The following GIT2 variants were observed in gnomAD, a reference collection of about 807,000 sequenced individuals.
GIT2 encodes the protein GIT ArfGAP 2.
GIT2 carries 32 observed loss-of-function variants against 100.3 expected under a neutral mutation model. That is an observed-to-expected ratio of 0.32 (90% CI 0.24 to 0.43). The LOEUF (loss-of-function observed/expected upper bound fraction) is 0.43. GIT2 is among the 20% of genes least tolerant of loss of function. The pLI, the probability that GIT2 is intolerant of heterozygous loss-of-function variation, is 1.00. For synonymous variants in GIT2, 353 were observed against 364.1 expected, an observed-to-expected ratio of 0.97 and a Z score of 0.35; for missense variants, 737 against 975.1, an observed-to-expected ratio of 0.76 and a Z score of 3.25.
intron 4 of GIT2, chr12:109,983,932 A>T (rs1886838814): frequency 4.3e-6 from 2 of 465,394 alleles, no homozygotes; most frequent in Non-Finnish European, 7.8e-6. Flanking sequence ...GACTTGCCCA[A>T]ATGCATGACT....
rs1394845443 is a variant in GIT2 at position 109,978,978 on chromosome 12, G to A, written c.718+1974C>T. Among the ~76,000 whole-genome samples the A allele has an allele frequency of 2.0e-5, 3 of 152,272 alleles. No homozygotes were observed. In the East Asian group the frequency reaches 5.8e-4, roughly 29 times the overall value. On this transcript the variant is annotated intron_variant, in intron 7 of 19. Coordinates refer to ENST00000355312, the MANE Select transcript of GIT2 (RefSeq NM_057169.5). ...CCTTCTTTAAACTTTATGCAAAAATGTTCATATTTTTGTCTTAGCAGGCAA... is the reference window on the plus strand; with the variant it reads ...CCTTCTTTAAACTTTATGCAAAAATATTCATATTTTTGTCTTAGCAGGCAA...
At chr12:109,999,711 G>A, upstream of GIT2, 1 of 1,537,064 alleles carries the variant, frequency 6.5e-7, no homozygotes, top group Non-Finnish European at 8.8e-7. The surrounding 1 kb of genome is among the most constrained non-coding windows in gnomAD (Gnocchi z 4.3). Context: ...TGCGACGCGG[G>A]CGACCACTAC....
At chr12:109,976,053 A>G (rs1884954323) in intron 7 of GIT2, among the ~76,000 whole-genome samples, 1 of 151,424 alleles carries the variant, frequency 6.6e-6, no homozygotes. Flanking sequence ...TACAGGCACT[A>G]CACCGTGCCT....
In GIT2 at chr12:109,932,818, T is replaced by C. The variant is rs1871876000; in HGVS notation, c.*160A>G. On this transcript the variant is annotated 3_prime_UTR_variant, in exon 20 of 20. Transcript: ENST00000355312. ...GCAAGTGGGTTAAATAGTTGAAAAT[T>C]GGTTAGAAAACATGCAAAAATAATA... The C allele has an allele frequency of 1.7e-6, 1 of 591,552 alleles. No individual in the cohort carries two copies. Among genetic ancestry groups the C allele is most frequent in the Non-Finnish European group, 3.0e-6 (1 of 331,624 alleles). 36.6% of individuals were successfully genotyped at this position (591,552 alleles called of 1,614,324 possible). A position where few individuals can be genotyped will look rare whatever the true frequency, so the allele number is the denominator to read the frequency against.
At chr12:109,982,525 A>G (rs1017022468) in intron 6 of GIT2, 3 of 152,328 alleles carry the variant, frequency 2.0e-5, no homozygotes, top group Non-Finnish European at 4.4e-5. Flanking sequence ...TTGGAAAAAG[A>G]AGGAAAGATG....
At position 109,993,404 on chromosome 12, in the gene GIT2, T is replaced by C. The variant is rs373377905; in HGVS notation, c.53-1644A>G. Reference sequence around the variant, plus strand: ...TTTATTCAAACCCTTTCAAACCATATAATGAAAAGTTATGGGCTTTCAATC... The same window carrying C: ...TTTATTCAAACCCTTTCAAACCATACAATGAAAAGTTATGGGCTTTCAATC... On this transcript the variant is annotated intron_variant, in intron 1 of 19. Coordinates refer to ENST00000355312, the MANE Select transcript of GIT2 (RefSeq NM_057169.5). 4.6e-5 allele frequency among the ~76,000 whole-genome samples: 7 copies of C among 152,290 alleles called. No homozygotes were observed. In the South Asian group the frequency reaches 1.2e-3, roughly 27 times the overall value.
rs954477305 is a variant in GIT2, at chr12:109,989,726, C to A, written c.263G>T (p.Ser88Ile). The change falls in exon 3 of 20, where the codon AGT becomes ATT. Residue 88 changes from serine (S) to isoleucine (I), a missense_variant. Ser to Ile is a moderately radical substitution (Grantham distance 142, BLOSUM62 -2). Transcript: ENST00000355312. ...HSLLDPASIMSGRRKANPQDK... is the reference protein window; with the variant it reads ...HSLLDPASIMIGRRKANPQDK... The stretch of plus-strand genomic sequence containing the variant: ...CTGTGGATTAGCTTTACGTCTTCCA[C>A]TCATAATAGACGCAGGGTCCAGCAA... The A allele has an allele frequency of 6.3e-7, 1 of 1,589,654 alleles. No homozygotes were observed. Among genetic ancestry groups the A allele is most frequent in the Non-Finnish European group, 8.6e-7 (1 of 1,157,682 alleles).
At chr12:109,992,422 C>T (rs1311462054) in intron 1 of GIT2, among the ~76,000 whole-genome samples, 2 of 152,064 alleles carry the variant, frequency 1.3e-5, no homozygotes, top group Non-Finnish European at 2.9e-5. Flanking sequence ...GCTGAGATTA[C>T]AGGCGTGAGC....
rs756385097 is a variant in GIT2, at chr12:109,959,910, C to T, written c.1036G>A (p.Val346Ile). Residue 346 changes from valine to isoleucine, a missense_variant, in exon 12 of 20, where the codon GTC becomes ATC. This residue lies in a region of GIT2 where 451 missense variants were observed against 543.7 expected (regional missense o/e 0.83). Coordinates refer to ENST00000355312, the MANE Select transcript of GIT2 (RefSeq NM_057169.5). The stretch of plus-strand genomic sequence containing the variant: ...TTGGCGTCACTGAGAATGTCAATGA[C>T]CAGCGTGGCAAACTCATGGGCGTTG... ...RFNAHEFATL[V>I]IDILSDAKRR... The T allele has an allele frequency of 3.7e-6, 6 of 1,613,954 alleles. No individual in the cohort carries two copies. The highest frequency in any genetic ancestry group is 2.2e-5 in the South Asian group (2 of 91,076).
rs1295942258 is a variant in GIT2 at position 109,962,274 on chromosome 12, G to A, written c.817-589C>T. Among the ~76,000 whole-genome samples, 1 of 152,178 alleles carries A rather than the reference G, an allele frequency of 6.6e-6. No homozygotes were observed. The highest frequency in any genetic ancestry group is 1.5e-5 in the Non-Finnish European group (1 of 68,024). ...AGGCTGAGGCAGGAGGATCACTTCA[G>A]CCCAGGATATCAAGGCTGCAGTGAG... On this transcript the variant is annotated intron_variant, in intron 9 of 19. Coordinates refer to ENST00000355312, the MANE Select transcript of GIT2 (RefSeq NM_057169.5). The surrounding 1 kb of genome is among the most constrained non-coding windows in gnomAD (Gnocchi z 4.3).
intron 7 of GIT2, among the ~76,000 whole-genome samples, chr12:109,974,786 G>A (rs1342768563): frequency 6.6e-6 from 1 of 152,104 alleles, no homozygotes; most frequent in African/African-American, 2.4e-5. Context: ...ATCTAGTTGG[G>A]TTTTGGTCTG....
chr12:109,985,508 G>C (rs1284301510), intron 4 of GIT2, among the ~76,000 whole-genome samples: 1 of 152,202 alleles, frequency 6.6e-6, no homozygotes, highest in Non-Finnish European at 1.5e-5. Flanking sequence ...TTAAGCCCAA[G>C]AATTTGAGAC....
chr12:110,000,016 T>A (rs953835829), upstream of GIT2, among the ~76,000 whole-genome samples: 2 of 152,218 alleles, frequency 1.3e-5, no homozygotes, highest in Non-Finnish European at 2.9e-5. Flanking sequence ...GGGTAGGTAC[T>A]GTTACTTTTC....
Position 109,979,079 on chromosome 12 carries a change from C to T in GIT2, c.718+1873G>A, listed in dbSNP as rs146234561. ...AAAAAGACAAGCAATCAGGATCCCC[C>T]CTCATCCCCTTGCTCAGAGATTTAG... On this transcript the variant is annotated intron_variant, in intron 7 of 19. Coordinates refer to ENST00000355312, the MANE Select transcript of GIT2 (RefSeq NM_057169.5). 3.3e-5 allele frequency among the ~76,000 whole-genome samples: 5 copies of T among 152,260 alleles called. No homozygotes were observed. In the East Asian group the frequency reaches 9.6e-4, roughly 29 times the overall value.
chr12:109,947,581 A>T lies in GIT2; in HGVS notation c.1393-77T>A. 7.5e-7 allele frequency: 1 copy of T among 1,334,272 alleles called. No homozygotes were observed. Among genetic ancestry groups the T allele is most frequent in the South Asian group, 1.3e-5 (1 of 76,224 alleles). 82.7% of individuals were successfully genotyped at this position (1,334,272 alleles called of 1,614,324 possible). A position where few individuals can be genotyped will look rare whatever the true frequency, so the allele number is the denominator to read the frequency against. On this transcript the variant is annotated intron_variant, in intron 14 of 19. Transcript: ENST00000355312. The surrounding 1 kb of genome is among the most constrained non-coding windows in gnomAD (Gnocchi z 4.3). ...AAGCAAACACCAAGTAAATGAATAC[A>T]ACTACCAGTTTTAAACAATAAGGAC... is the stretch of plus-strand genomic sequence containing the variant.
upstream of GIT2, among the ~76,000 whole-genome samples, chr12:109,997,035 C>T (rs540908147): frequency 6.6e-4 from 100 of 151,808 alleles, no homozygotes; most frequent in African/African-American, 2.0e-3. Flanking sequence ...CATGGTGAAA[C>T]CCCGTCTCTA....
chr12:109,992,140 CTTT>C (rs35643426), intron 1 of GIT2: 9 of 92,172 alleles, frequency 9.8e-5, no homozygotes, highest in African/African-American at 1.4e-4. Context: ...CAAGATAATA[CTTT>C]TTTTTTTTTT....
At chr12:109,957,178 T>C (rs887041057) in intron 12 of GIT2, among the ~76,000 whole-genome samples, 2 of 152,192 alleles carry the variant, frequency 1.3e-5, no homozygotes. Context: ...GGGTGGATCC[T>C]TTATGAACTG....
At chr12:109,949,928 T>C (rs1170401084) in intron 14 of GIT2, among the ~76,000 whole-genome samples, 1 of 152,216 alleles carries the variant, frequency 6.6e-6, no homozygotes, top group East Asian at 1.9e-4. Flanking sequence ...AGGTCCTGTA[T>C]GTTATGACAA....
Sources: gnomAD v4.1 joint callset for allele counts (sites outside exome capture counted in the v4.1 genomes callset) on GRCh38, gnomAD v4.1.1 for gene constraint, gnomAD v4.1.1 regional missense constraint, Gnocchi (gnomAD v3.1) non-coding constraint, MANE v1.5 for transcripts, NCBI Gene and HGNC (gene_info 2026-07-23, HGNC 2026-07-21) for gene names.